KCNN2: variants seen among roughly 807,000 people sequenced by gnomAD.
KCNN2 encodes the protein small conductance calcium-activated potassium channel protein 2.
Under a neutral mutation model 55.5 loss-of-function variants are expected in KCNN2, and 24 were observed. That is an observed-to-expected ratio of 0.43 (90% CI 0.31 to 0.61). KCNN2 has a LOEUF of 0.61. KCNN2 is among the 20% of genes least tolerant of loss of function. The pLI is 0.08. For synonymous variants in KCNN2, 431 were observed against 336.1 expected (o/e 1.28, Z -3.09); for missense variants, 754 against 853.6 (o/e 0.88, Z 1.45).
intron 2 of KCNN2, among the ~76,000 whole-genome samples, chr5:114,234,492 C>T (rs1206830326): frequency 2.0e-5 from 3 of 152,266 alleles, no homozygotes; most frequent in South Asian, 2.1e-4. Flanking sequence ...CTTGTTATCC[C>T]ATTATATTGA....
intron 2 of KCNN2, among the ~76,000 whole-genome samples, chr5:114,343,697 G>A (rs554655176): frequency 2.6e-5 from 4 of 151,822 alleles, no homozygotes; most frequent in African/African-American, 4.8e-5. Context: ...TGCATGGTGT[G>A]GGGGGAACAA....
In KCNN2 at chr5:114,240,395, A is replaced by T. The variant is rs1476539526; in HGVS notation, c.-185+18830A>T. ...AAATCTACTGTTAATATTATATTTT[A>T]AAAAGAAAGCTCAAATTATATTTTT... is the stretch of plus-strand genomic sequence containing the variant. On this transcript the variant is annotated intron_variant, in intron 2 of 10. Transcript: ENST00000512097. 4.0e-5 allele frequency among the ~76,000 whole-genome samples: 6 copies of T among 150,020 alleles called. No individual in the cohort carries two copies. In the Admixed American group the frequency reaches 4.0e-4, roughly 10 times the overall value.
intron 1 of KCNN2, among the ~76,000 whole-genome samples, chr5:114,191,038 C>G (rs1392042978): frequency 6.6e-6 from 1 of 152,094 alleles, no homozygotes; most frequent in Non-Finnish European, 1.5e-5. Context: ...TAGAAATGCT[C>G]AAATACATCC....
At chr5:114,446,850 C>G (rs1011738501) in intron 3 of KCNN2, among the ~76,000 whole-genome samples, 1 of 151,642 alleles carries the variant, frequency 6.6e-6, no homozygotes, top group Admixed American at 6.6e-5. Flanking sequence ...TGCAGTGAGC[C>G]GAGATCACAC....
rs569865810 is a variant in KCNN2 at position 114,309,024 on chromosome 5, A to G, written c.-184-51921A>G. The stretch of plus-strand genomic sequence containing the variant: ...ATTATTAAAGAAATTGGAATGTTTA[A>G]TTCTAACACTTGATTTTGGCCTGAA... On this transcript the variant is annotated intron_variant, in intron 2 of 10. Transcript: ENST00000512097. Among the ~76,000 whole-genome samples, 8 of 152,326 alleles carry G rather than the reference A, an allele frequency of 5.3e-5. No individual in the cohort carries two copies. In the South Asian group the frequency reaches 1.4e-3, roughly 28 times the overall value.
intron 1 of KCNN2, among the ~76,000 whole-genome samples, chr5:114,177,038 T>G (rs755280426): frequency 2.6e-5 from 4 of 152,064 alleles, no homozygotes; most frequent in Non-Finnish European, 5.9e-5. Flanking sequence ...TACAATCACT[T>G]CATTCATTTT....
chr5:114,106,876 A>C (rs191413912), intron 1 of KCNN2, among the ~76,000 whole-genome samples: 156 of 152,132 alleles, frequency 1.0e-3, no homozygotes, highest in Non-Finnish European at 2.0e-3. Flanking sequence ...TTTAATTTTT[A>C]ATGAGGTCCA....
chr5:114,246,235 G>A (rs1754746443), intron 2 of KCNN2, among the ~76,000 whole-genome samples: 2 of 152,060 alleles, frequency 1.3e-5, no homozygotes, highest in Admixed American at 6.6e-5. Context: ...ACTGATTTGT[G>A]CTTCATTTTG....
At chr5:114,461,730 GAAAA>G (rs771915363) in intron 3 of KCNN2, among the ~76,000 whole-genome samples, 1 of 142,000 alleles carries the variant, frequency 7.0e-6, no homozygotes, top group African/African-American at 2.6e-5. Context: ...TGAGGGACAG[GAAAA>G]AAAAAAAAAG....
At chr5:114,154,973 A>G (rs967974305) in intron 1 of KCNN2, among the ~76,000 whole-genome samples, 1 of 152,094 alleles carries the variant, frequency 6.6e-6, no homozygotes, top group Non-Finnish European at 1.5e-5. Flanking sequence ...TGTATAGATT[A>G]TTTCATCACC....
At chr5:114,251,639 G>A (rs979412986) in intron 2 of KCNN2, among the ~76,000 whole-genome samples, 1 of 152,018 alleles carries the variant, frequency 6.6e-6, no homozygotes, top group African/African-American at 2.4e-5. Flanking sequence ...TGAAATAAAG[G>A]AACTATGCAC....
At chr5:114,432,967 C>T (rs555506623) in intron 3 of KCNN2, among the ~76,000 whole-genome samples, 3 of 152,314 alleles carry the variant, frequency 2.0e-5, no homozygotes, top group Admixed American at 6.5e-5. Flanking sequence ...CCTCCCACCC[C>T]CTCCATGGGC....
chr5:114,298,464 A>G (rs568260919), intron 2 of KCNN2, among the ~76,000 whole-genome samples: 3 of 152,236 alleles, frequency 2.0e-5, no homozygotes, highest in Non-Finnish European at 2.9e-5. Flanking sequence ...CAATCCCAGC[A>G]TACCCTAAGT....
chr5:114,164,744 A>G (rs952620379), intron 1 of KCNN2, among the ~76,000 whole-genome samples: 18 of 152,202 alleles, frequency 1.2e-4, no homozygotes, highest in Non-Finnish European at 2.2e-4. Flanking sequence ...CGATCCTATA[A>G]GTTGTAGAAC....
At chr5:114,379,248 C>T (rs1561596132) in intron 2 of KCNN2, among the ~76,000 whole-genome samples, 1 of 151,956 alleles carries the variant, frequency 6.6e-6, no homozygotes, top group Non-Finnish European at 1.5e-5. Flanking sequence ...CCCATCTCCC[C>T]ACACACTTGC....
At chr5:114,395,345 G>A (rs1160399453) in intron 2 of KCNN2, among the ~76,000 whole-genome samples, 1 of 152,150 alleles carries the variant, frequency 6.6e-6, no homozygotes, top group Non-Finnish European at 1.5e-5. Context: ...CTCATGGTGG[G>A]ACATATTCTG....
intron 1 of KCNN2, among the ~76,000 whole-genome samples, chr5:114,087,538 C>T (rs1751041674): frequency 6.6e-6 from 1 of 152,054 alleles, no homozygotes; most frequent in Admixed American, 6.6e-5. Context: ...TTAGGTAGTC[C>T]TTTCCCCCCT....
chr5:114,288,499 T>TATATAC (rs1305284375), intron 2 of KCNN2, among the ~76,000 whole-genome samples: 20 of 139,616 alleles, frequency 1.4e-4, no homozygotes, highest in Non-Finnish European at 2.6e-4. Context: ...TATATATATA[T>TATATAC]ACACACACAC....
intron 1 of KCNN2, among the ~76,000 whole-genome samples, chr5:114,157,457 A>G (rs1331837783): frequency 1.3e-5 from 2 of 152,116 alleles, no homozygotes; most frequent in South Asian, 4.1e-4. Flanking sequence ...ATAGTGCCGC[A>G]ATAAACATAC....
Sources: allele counts gnomAD v4.1 joint callset (sites outside exome capture counted in the v4.1 genomes callset), GRCh38; gene constraint gnomAD v4.1.1; transcripts MANE v1.5; gene names NCBI Gene and HGNC (gene_info 2026-07-23, HGNC 2026-07-21).